The following CALM2 variants were observed in gnomAD, a reference collection of about 807,000 sequenced individuals.
CALM2 encodes the protein calmodulin 2, also known as calmodulin-2.
Under a neutral mutation model 19.8 loss-of-function variants are expected in CALM2, and 2 were observed. The ratio of observed to expected loss-of-function variants is 0.10; its 90% confidence interval spans 0.04 to 0.32. CALM2 has a LOEUF of 0.32. CALM2 is among the 10% of genes least tolerant of loss of function. The pLI is 1.00. For synonymous variants in CALM2, 51 were observed against 52.1 expected (o/e 0.98, Z 0.09); for missense variants, 38 against 178.7 (o/e 0.21, Z 4.49).
At chr2:47,174,817 G>A (rs1666793712) in intron 1 of CALM2, among the ~76,000 whole-genome samples, 1 of 151,774 alleles carries the variant, frequency 6.6e-6, no homozygotes, top group South Asian at 2.1e-4. Flanking sequence ...ACATCTTTAA[G>A]AAAGCAAATG....
intron 1 of CALM2, among the ~76,000 whole-genome samples, chr2:47,175,887 C>G (rs1039786686): frequency 9.4e-5 from 14 of 148,622 alleles, no homozygotes; most frequent in African/African-American, 3.4e-4. Context: ...CCCGCCCGCC[C>G]GCGCGCCCCC....
intron 2 of CALM2, among the ~76,000 whole-genome samples, chr2:47,164,488 T>C (rs1261215778): frequency 6.6e-6 from 1 of 151,096 alleles, no homozygotes; most frequent in Non-Finnish European, 1.5e-5. Context: ...TCCCAGCTAC[T>C]GGGGAGGCTG....
chr2:47,169,874 CTG>C (rs1182693743), intron 2 of CALM2, among the ~76,000 whole-genome samples: 1 of 150,836 alleles, frequency 6.6e-6, no homozygotes, highest in Non-Finnish European at 1.5e-5. Flanking sequence ...ACTGTGAAAA[CTG>C]TGGCAAATAA....
intron 1 of CALM2, chr2:47,173,295 G>C (rs1666735521): frequency 6.6e-6 from 1 of 152,088 alleles, no homozygotes; most frequent in African/African-American, 2.4e-5. Flanking sequence ...TATACTTTTG[G>C]GAAAACTCAA....
intron 2 of CALM2, 78 bp downstream of exon 2, chr2:47,170,655 AC>A (rs2103844357): frequency 9.4e-7 from 1 of 1,068,330 alleles, no homozygotes; most frequent in East Asian, 2.4e-5. Context: ...ATTATTTCAT[AC>A]AAGTCTCTTA....
At chr2:47,166,453 G>A (rs866667172) in intron 2 of CALM2, among the ~76,000 whole-genome samples, 4 of 152,174 alleles carry the variant, frequency 2.6e-5, no homozygotes, top group Non-Finnish European at 5.9e-5. Context: ...TATAACTTTC[G>A]AGAAATTTAA....
At chr2:47,175,757 C>G (rs1053622036) in intron 1 of CALM2, among the ~76,000 whole-genome samples, 1 of 149,936 alleles carries the variant, frequency 6.7e-6, no homozygotes, top group African/African-American at 2.4e-5. Context: ...GCCAGCAGAG[C>G]AGCTGGAGCT....
intron 2 of CALM2, among the ~76,000 whole-genome samples, chr2:47,165,024 G>C (rs1666418899): frequency 6.6e-6 from 1 of 152,076 alleles, no homozygotes; most frequent in Non-Finnish European, 1.5e-5. Flanking sequence ...TATTTTAAAT[G>C]CTTGCCCTTA....
chr2:47,176,868 C>T (rs1399299862), upstream of CALM2: 2 of 985,300 alleles, frequency 2.0e-6, no homozygotes, highest in Non-Finnish European at 2.4e-6. Context: ...GTCACTGGGA[C>T]TCGCAGCCGC....
upstream of CALM2, chr2:47,176,918 C>A: frequency 1.0e-6 from 1 of 985,468 alleles, no homozygotes; most frequent in Non-Finnish European, 1.2e-6. Flanking sequence ...GCTGCTCGGG[C>A]CGCGCTGTCC....
intron 1 of CALM2, 36 bp downstream of exon 1, chr2:47,176,405 A>G (rs375820744): frequency 6.2e-7 from 1 of 1,611,176 alleles, no homozygotes; most frequent in South Asian, 1.1e-5. Flanking sequence ...TCTTCCCCCC[A>G]CAGGCCCAGC....
At chr2:47,169,960 C>T (rs936674963) in intron 2 of CALM2, among the ~76,000 whole-genome samples, 6 of 14,066 alleles carry the variant, frequency 4.3e-4, no homozygotes, top group African/African-American at 1.9e-3. Flanking sequence ...TTCAACACTA[C>T]AATAAAAAAA....
chr2:47,167,817 T>TTCTTTTTTTTTTTTTTTTTTTTTTTTTG lies in CALM2; in HGVS notation c.34+2916_34+2917insCAAAAAAAAAAAAAAAAAAAAAAAAAGA. ...AAAAAAAATTTTTTTTTCTTTTCTT[T>TTCTTTTTTTTTTTTTTTTTTTTTTTTTG]GAGACAGGGTCTTGCTGTGTTGCCC... On this transcript the variant is annotated intron_variant, in intron 2 of 5. Coordinates refer to ENST00000272298, the MANE Select transcript of CALM2 (RefSeq NM_001743.6). 2 of 142,978 alleles carry TTCTTTTTTTTTTTTTTTTTTTTTTTTTG rather than the reference T, an allele frequency of 1.4e-5. 1 individual carries two copies. Among genetic ancestry groups the TTCTTTTTTTTTTTTTTTTTTTTTTTTTG allele is most frequent in the Non-Finnish European group, 3.0e-5 (2 of 66,030 alleles). 8.9% of individuals were successfully genotyped at this position (142,978 alleles called of 1,614,324 possible). A position where few individuals can be genotyped will look rare whatever the true frequency, so the allele number is the denominator to read the frequency against.
At chr2:47,163,550 AG>A (rs1285335511) in intron 2 of CALM2, 1 of 151,784 alleles carries the variant, frequency 6.6e-6, no homozygotes, top group African/African-American at 2.4e-5. Context: ...CTCCTGCCTC[AG>A]CCTCCCGAGT....
At chr2:47,169,462 T>C (rs1378409038) in intron 2 of CALM2, among the ~76,000 whole-genome samples, 4 of 152,158 alleles carry the variant, frequency 2.6e-5, no homozygotes, top group African/African-American at 9.7e-5. Context: ...TCTATTTTTT[T>C]TGAGGAGACA....
At chr2:47,165,976 T>TA in intron 2 of CALM2, among the ~76,000 whole-genome samples, 1 of 152,330 alleles carries the variant, frequency 6.6e-6, no homozygotes, top group African/African-American at 2.4e-5. Flanking sequence ...CCAGGGCTAT[T>TA]ACAATTGCCT....
intron 2 of CALM2, among the ~76,000 whole-genome samples, chr2:47,165,211 A>C (rs1447836709): frequency 6.6e-6 from 1 of 152,238 alleles, no homozygotes; most frequent in South Asian, 2.1e-4. Flanking sequence ...GCCATATGGC[A>C]TAGAAACTAA....
At chr2:47,161,021 G>A (rs768282257) in intron 5 of CALM2, among the ~76,000 whole-genome samples, 28 of 152,020 alleles carry the variant, frequency 1.8e-4, no homozygotes, top group Admixed American at 3.3e-4. Context: ...CCAAATTAAC[G>A]CTTTAGATAG....
intron 1 of CALM2, among the ~76,000 whole-genome samples, chr2:47,175,095 T>TG (rs1666808539): frequency 1.4e-5 from 2 of 140,612 alleles, no homozygotes; most frequent in African/African-American, 3.1e-5. Context: ...TTTTTTTTTT[T>TG]TTTCAGGAAA....
Sources: gnomAD v4.1 joint callset for allele counts (sites outside exome capture counted in the v4.1 genomes callset) on GRCh38, gnomAD v4.1.1 for gene constraint, MANE v1.5 for transcripts, NCBI Gene and HGNC (gene_info 2026-07-23, HGNC 2026-07-21) for gene names.